The following ST18 variants were observed in gnomAD, a reference collection of about 807,000 sequenced individuals.
ST18 encodes the protein suppression of tumorigenicity 18 protein.
ST18 carries 50 observed loss-of-function variants against 110.0 expected under a neutral mutation model. The ratio of observed to expected loss-of-function variants is 0.45; its 90% CI spans 0.36 to 0.58. The LOEUF (loss-of-function observed/expected upper bound fraction) is 0.58. ST18 is among the 20% of genes least tolerant of loss of function. The pLI, the probability that ST18 is intolerant of heterozygous loss-of-function variation, is 0.00. For missense variants in ST18, 1,306 were observed against 1,280.1 expected (o/e 1.02, Z -0.31); for synonymous variants, 461 against 452.4 (o/e 1.02, Z -0.24).
intron 23 of ST18, among the ~76,000 whole-genome samples, chr8:52,125,423 GA>G: frequency 6.6e-6 from 1 of 152,086 alleles, no homozygotes; most frequent in South Asian, 2.1e-4. Context: ...ACACGAGAGA[GA>G]AAGAGAACAC....
chr8:52,369,547 G>C (rs1019751954), intron 2 of ST18, among the ~76,000 whole-genome samples: 1 of 152,166 alleles, frequency 6.6e-6, no homozygotes, highest in African/African-American at 2.4e-5. Context: ...AAATGAGAGA[G>C]AAATACACTT....
At chr8:52,178,952 TC>T (rs2068206186) in intron 9 of ST18, among the ~76,000 whole-genome samples, 1 of 152,166 alleles carries the variant, frequency 6.6e-6, no homozygotes, top group Admixed American at 6.5e-5. Flanking sequence ...AGCCCTTAAA[TC>T]TTTTCTATTA....
intron 8 of ST18, among the ~76,000 whole-genome samples, chr8:52,187,496 C>T: frequency 6.6e-6 from 1 of 152,128 alleles, no homozygotes; most frequent in East Asian, 1.9e-4. Context: ...TGAACACAGC[C>T]AATGATGGAA....
intron 2 of ST18, among the ~76,000 whole-genome samples, chr8:52,357,676 A>AATATATAT (rs71252934): frequency 1.4e-3 from 53 of 38,426 alleles, no homozygotes; most frequent in East Asian, 2.7e-3. Flanking sequence ...AAAATCTATA[A>AATATATAT]ATATATATAT....
At chr8:52,285,399 G>C (rs1005277125) in intron 2 of ST18, among the ~76,000 whole-genome samples, 4 of 152,168 alleles carry the variant, frequency 2.6e-5, no homozygotes, top group African/African-American at 9.7e-5. Flanking sequence ...TTCTGTTGCT[G>C]AGAAAACTGT....
At chr8:52,175,519 T>C (rs1032762583) in intron 9 of ST18, among the ~76,000 whole-genome samples, 2 of 152,246 alleles carry the variant, frequency 1.3e-5, no homozygotes, top group Admixed American at 1.3e-4. Context: ...TGGCACTACC[T>C]GCTGTGTGAC....
chr8:52,309,514 C>G (rs2095867384), intron 2 of ST18, among the ~76,000 whole-genome samples: 1 of 116,374 alleles, frequency 8.6e-6, no homozygotes, highest in Admixed American at 1.0e-4. Context: ...GAGCAAGACT[C>G]CATCTCAAAA....
intron 2 of ST18, among the ~76,000 whole-genome samples, chr8:52,350,724 C>CT (rs111934110): frequency 0.012 from 1,771 of 144,102 alleles, 38 homozygotes; most frequent in African/African-American, 0.039. Flanking sequence ...TATATATATA[C>CT]TTTTTTTTTT....
chr8:52,175,073 A>T (rs892349422), intron 9 of ST18, among the ~76,000 whole-genome samples: 1 of 151,974 alleles, frequency 6.6e-6, no homozygotes, highest in African/African-American at 2.4e-5. Context: ...TTGAGTTCTG[A>T]TCCTGGCGGC....
At chr8:52,205,806 G>A (rs941158621) in intron 8 of ST18, among the ~76,000 whole-genome samples, 1 of 152,058 alleles carries the variant, frequency 6.6e-6, no homozygotes, top group Non-Finnish European at 1.5e-5. Flanking sequence ...AACCTCAAGC[G>A]TTCCACCTGC....
chr8:52,371,885 A>G (rs1322251979), intron 2 of ST18, among the ~76,000 whole-genome samples: 2 of 152,232 alleles, frequency 1.3e-5, no homozygotes, highest in African/African-American at 2.4e-5. Context: ...ATACTGTTAT[A>G]TACAGTCTAT....
chr8:52,132,025 G>A lies in ST18; in HGVS notation c.2599C>T (p.Pro867Ser), dbSNP rs751406647. 3.1e-6 allele frequency: 5 copies of A among 1,614,226 alleles called. No homozygotes were observed. The Admixed American group carries it at 8.3e-5, about 27-fold the overall frequency. Residue 867 changes from proline (P) to serine (S), a missense_variant, in exon 22 of 26, where the codon CCA (proline) becomes TCA (serine). Physicochemically the swap from Pro to Ser is moderately conservative, Grantham distance 74. Coordinates refer to ENST00000689386, the MANE Select transcript of ST18 (RefSeq NM_001352837.2). ...TTGCAGCCTGGCAAGGGACAATGTG[G>A]TAGCTCTTGTTTGTTCAGTTTCCAG... ...LSWKLNKQEL[P>S]HCPLPGCNGL...
At chr8:52,154,704 T>C (rs1012976849) in intron 15 of ST18, 1 of 152,132 alleles carries the variant, frequency 6.6e-6, no homozygotes, top group African/African-American at 2.4e-5. Flanking sequence ...GGACATTATA[T>C]GCATCTTACA....
chr8:52,364,183 G>C (rs1294513651), intron 2 of ST18, among the ~76,000 whole-genome samples: 2 of 152,160 alleles, frequency 1.3e-5, no homozygotes, highest in Non-Finnish European at 2.9e-5. Flanking sequence ...ATTGGATAAT[G>C]ACTCATCATT....
intron 2 of ST18, among the ~76,000 whole-genome samples, chr8:52,343,494 C>T (rs143140035): frequency 6.6e-6 from 1 of 152,126 alleles, no homozygotes; most frequent in Non-Finnish European, 1.5e-5. Context: ...CGGTGGGGAC[C>T]GTGCTGGCTT....
At chr8:52,119,369 C>T (rs186066358) in intron 23 of ST18, among the ~76,000 whole-genome samples, 95 of 151,998 alleles carry the variant, frequency 6.3e-4, no homozygotes, top group African/African-American at 2.2e-3. Flanking sequence ...AATTTACCTC[C>T]TAGAAGAATG....
chr8:52,223,912 T>C (rs1278456139), intron 3 of ST18, among the ~76,000 whole-genome samples: 6 of 152,178 alleles, frequency 3.9e-5, no homozygotes, highest in Admixed American at 6.5e-5. Flanking sequence ...AGAATATTGA[T>C]ACAGACTCCA....
chr8:52,119,054 T>C (rs2043632720), intron 23 of ST18, among the ~76,000 whole-genome samples: 1 of 152,148 alleles, frequency 6.6e-6, no homozygotes, highest in Admixed American at 6.5e-5. Context: ...CACGTGGACA[T>C]GGATGAGGAA....
At chr8:52,342,323 A>G (rs1295040913) in intron 2 of ST18, among the ~76,000 whole-genome samples, 8 of 152,126 alleles carry the variant, frequency 5.3e-5, no homozygotes, top group Admixed American at 3.3e-4. Flanking sequence ...AGCCAAAAGA[A>G]AGAAAAAAGA....
Sources: allele counts gnomAD v4.1 joint callset (sites outside exome capture counted in the v4.1 genomes callset), GRCh38; gene constraint gnomAD v4.1.1; transcripts MANE v1.5; gene names NCBI Gene and HGNC (gene_info 2026-07-23, HGNC 2026-07-21).